Variants in KCNG3 observed in about 807,000 individuals in gnomAD.
KCNG3 encodes the protein voltage-gated potassium channel regulatory subunit KCNG3.
KCNG3 carries 15 observed loss-of-function variants against 29.0 expected under a neutral mutation model. The observed-to-expected ratio is 0.52, with a 90% CI of 0.35 to 0.80. The LOEUF (loss-of-function observed/expected upper bound fraction) is 0.80, where lower values mean the gene tolerates loss of function less well. KCNG3 is among the 30% of genes least tolerant of loss of function. KCNG3 has a pLI of 0.01. For missense variants in KCNG3, 512 were observed against 605.7 expected (o/e 0.85, Z 1.62); for synonymous variants, 322 against 248.9 (o/e 1.29, Z -2.76).
the KCNG3 span, among the ~76,000 whole-genome samples, chr2:42,416,975 A>C: frequency 6.6e-6 from 1 of 151,692 alleles, no homozygotes; most frequent in African/African-American, 2.4e-5. Context: ...TCGTCCTGGC[A>C]CGGTGGCTCA....
At chr2:42,468,497 A>T (rs1673200429) in intron 1 of KCNG3, among the ~76,000 whole-genome samples, 1 of 152,228 alleles carries the variant, frequency 6.6e-6, no homozygotes. Context: ...TATAATCAGC[A>T]ATAGCAACAC....
At chr2:42,405,249 A>G in the KCNG3 span, among the ~76,000 whole-genome samples, 1 of 152,146 alleles carries the variant, frequency 6.6e-6, no homozygotes, top group East Asian at 1.9e-4. Flanking sequence ...TCTTGACCTA[A>G]TATTATTTAC....
chr2:42,418,311 T>C, the KCNG3 span, among the ~76,000 whole-genome samples: 2 of 152,216 alleles, frequency 1.3e-5, no homozygotes, highest in African/African-American at 4.8e-5. Flanking sequence ...TTCCATTGCA[T>C]ATATAGACCA....
the KCNG3 span, among the ~76,000 whole-genome samples, chr2:42,432,834 C>T: frequency 6.6e-6 from 1 of 151,356 alleles, no homozygotes; most frequent in African/African-American, 2.4e-5. Flanking sequence ...GATTTTAAAA[C>T]TTCAACAAAA....
chr2:42,488,269 T>C (rs1572867967), intron 1 of KCNG3, among the ~76,000 whole-genome samples: 1 of 152,216 alleles, frequency 6.6e-6, no homozygotes, highest in African/African-American at 2.4e-5. Flanking sequence ...TTCCAAACTT[T>C]AGATTGTGCA....
chr2:42,460,159 T>G (rs527782847), intron 1 of KCNG3, among the ~76,000 whole-genome samples: 40 of 151,438 alleles, frequency 2.6e-4, no homozygotes, highest in African/African-American at 9.7e-4. Flanking sequence ...AAGCCAGGAG[T>G]ATGAGACCAG....
chr2:42,491,832 A>T (rs993594315), intron 1 of KCNG3, among the ~76,000 whole-genome samples: 2 of 152,258 alleles, frequency 1.3e-5, no homozygotes, highest in African/African-American at 4.8e-5. Context: ...TCAGTAAAAC[A>T]TGACAGGGCA....
chr2:42,407,177 CTTTT>C, the KCNG3 span, among the ~76,000 whole-genome samples: 1 of 133,122 alleles, frequency 7.5e-6, no homozygotes. Context: ...TCTGCTTGAT[CTTTT>C]TTTTTTTTTT....
At position 42,479,826 on chromosome 2, in the gene KCNG3, C is replaced by T. The variant is rs143202639; in HGVS notation, c.665+13011G>A. Among the ~76,000 whole-genome samples the T allele has an allele frequency of 3.8e-4, 58 of 152,258 alleles. 1 individual carries two copies. In the East Asian group the frequency reaches 0.01, roughly 27 times the overall value. ...AGGAGTTCAAGACCTGCCTGGGCAA[C>T]ATGGTGAAACCCTGTCTCTACTAAA... On this transcript the variant is annotated intron_variant, in intron 1 of 1. Transcript: ENST00000306078.
the KCNG3 span, among the ~76,000 whole-genome samples, chr2:42,398,019 C>G: frequency 3.9e-5 from 6 of 152,068 alleles, no homozygotes; most frequent in African/African-American, 1.2e-4. Context: ...GTCAGGAGAT[C>G]GAGACCATCC....
intron 1 of KCNG3, among the ~76,000 whole-genome samples, chr2:42,458,706 T>C (rs1220044776): frequency 1.3e-5 from 2 of 152,040 alleles, no homozygotes; most frequent in Admixed American, 1.3e-4. Context: ...CGAGGTAGTG[T>C]CTTGCAAGGA....
chr2:42,477,647 G>C (rs1032723039), intron 1 of KCNG3, among the ~76,000 whole-genome samples: 3 of 151,900 alleles, frequency 2.0e-5, no homozygotes, highest in African/African-American at 7.3e-5. Flanking sequence ...GGGAGGCCGA[G>C]GTGGGTGGAT....
intron 1 of KCNG3, among the ~76,000 whole-genome samples, chr2:42,471,316 AGATT>A (rs1441424972): frequency 1.3e-5 from 2 of 152,210 alleles, no homozygotes; most frequent in Non-Finnish European, 2.9e-5. Flanking sequence ...ACCATACAAT[AGATT>A]ATTATCCAAT....
chr2:42,421,532 A>G, the KCNG3 span, among the ~76,000 whole-genome samples: 1 of 152,150 alleles, frequency 6.6e-6, no homozygotes, highest in African/African-American at 2.4e-5. Context: ...TTTTTTCTTA[A>G]TGAACAAGAG....
At position 42,493,918 on chromosome 2, in the gene KCNG3, C is replaced by A. The variant is rs1254601711; in HGVS notation, c.-417G>T. The A allele has an allele frequency of 1.3e-5, 2 of 158,012 alleles. No individual in the cohort carries two copies. Among genetic ancestry groups the A allele is most frequent in the Admixed American group, 1.3e-4 (2 of 15,384 alleles). The allele number at this position is 158,012 out of a possible 1,614,324, so 9.8% of individuals were successfully genotyped here. On this transcript the variant is annotated 5_prime_UTR_variant, in exon 1 of 2. Transcript: ENST00000306078. Reference sequence around the variant, plus strand: ...CCGGGGCGGAATAGCTCCCCGTCTCCGGCGCTCCCTGCGGCCGCGAATCCG... The same window carrying A: ...CCGGGGCGGAATAGCTCCCCGTCTCAGGCGCTCCCTGCGGCCGCGAATCCG...
rs1673963735 is a variant in KCNG3 at position 42,493,357 on chromosome 2, C to G, written c.145G>C (p.Glu49Gln). 2 of 1,579,930 alleles carry G rather than the reference C, an allele frequency of 1.3e-6. No homozygotes were observed. Among genetic ancestry groups the G allele is most frequent in the Non-Finnish European group, 1.7e-6 (2 of 1,162,152 alleles). ...HGCRSERDVLEVCDDYDRERN... is the reference protein window; with the variant it reads ...HGCRSERDVLQVCDDYDRERN... ...TCGCGGTCGTAGTCGTCGCACACCT[C>G]GAGCACGTCGCGCTCGGAGCGGCAG... The change falls in exon 1 of 2, where the codon GAG becomes CAG. Residue 49 changes from glutamate (E) to glutamine (Q), a missense_variant. Physicochemically the swap from Glu to Gln is conservative, Grantham distance 29. Around this residue, in one of 5 missense-constraint regions of KCNG3, gnomAD observed 91 missense variants for 91.1 expected, o/e 1.00. Transcript: ENST00000306078.
At chr2:42,415,023 T>C in the KCNG3 span, among the ~76,000 whole-genome samples, 2 of 152,198 alleles carry the variant, frequency 1.3e-5, no homozygotes, top group African/African-American at 4.8e-5. Flanking sequence ...CTCCTGTTTG[T>C]TGGATTTGTA....
intron 1 of KCNG3, among the ~76,000 whole-genome samples, chr2:42,471,061 A>G (rs1020171687): frequency 2.0e-5 from 3 of 151,828 alleles, no homozygotes; most frequent in Non-Finnish European, 4.4e-5. Flanking sequence ...CTGAGGGTAG[A>G]GGATCACTTG....
At chr2:42,480,057 T>C (rs1039861304) in intron 1 of KCNG3, among the ~76,000 whole-genome samples, 2 of 152,112 alleles carry the variant, frequency 1.3e-5, no homozygotes, top group Non-Finnish European at 1.5e-5. Flanking sequence ...CACACACAGA[T>C]AGTACTTAAC....
Sources: gnomAD v4.1 joint callset for allele counts (sites outside exome capture counted in the v4.1 genomes callset) on GRCh38, gnomAD v4.1.1 for gene constraint, gnomAD v4.1.1 regional missense constraint, MANE v1.5 for transcripts, NCBI Gene and HGNC (gene_info 2026-07-23, HGNC 2026-07-21) for gene names.